The following SETX variants were observed in gnomAD, a reference collection of about 807,000 sequenced individuals.
SETX encodes senataxin.
A neutral mutation model predicts 227.2 loss-of-function variants in SETX; 90 were observed. The ratio of observed to expected loss-of-function variants is 0.40; its 90% confidence interval spans 0.33 to 0.47. The LOEUF (loss-of-function observed/expected upper bound fraction) is 0.47, where lower values mean the gene tolerates loss of function less well. Ranked by LOEUF, SETX falls within the 20% of genes least tolerant of loss-of-function variation. The pLI is 0.91. For synonymous variants in SETX, 1,210 were observed against 1,113.2 expected (o/e 1.09, Z -1.73); for missense variants, 3,052 against 3,181.5 (o/e 0.96, Z 0.98).
chr9:132,340,707 C>T (rs567163694), intron 5 of SETX, among the ~76,000 whole-genome samples: 1 of 152,348 alleles, frequency 6.6e-6, no homozygotes, highest in South Asian at 2.1e-4. Context: ...AATTGGTCTC[C>T]ACCTGCTTGT....
intron 11 of SETX, among the ~76,000 whole-genome samples, chr9:132,304,312 C>A (rs1845196971): frequency 6.6e-6 from 1 of 151,894 alleles, no homozygotes; most frequent in South Asian, 2.1e-4. Context: ...GGAGAAGTAC[C>A]CTTTTATAAC....
chr9:132,297,511 C>T (rs1004920736), intron 13 of SETX, among the ~76,000 whole-genome samples: 9 of 152,168 alleles, frequency 5.9e-5, no homozygotes, highest in African/African-American at 2.2e-4. Flanking sequence ...GTAAGCTTCA[C>T]TTGCACTTAC....
Position 132,284,286 on chromosome 9 carries a change from T to C in SETX, c.6397-873A>G, listed in dbSNP as rs183125075. ...ACATCTGTGAAGATGGACTTCATCC[T>C]TGACTCAGGAAAGATTAATCTGGGG... On this transcript the variant is annotated intron_variant, in intron 18 of 25. Transcript: ENST00000224140. Among the ~76,000 whole-genome samples the C allele has an allele frequency of 5.8e-4, 89 of 152,362 alleles. 1 individual carries two copies. Among genetic ancestry groups the C allele is most frequent in the Middle Eastern group, 6.8e-3 (2 of 294 alleles).
rs1333229189 is a variant in SETX at position 132,326,313 on chromosome 9, C to T, written c.5274+11G>A. The stretch of plus-strand genomic sequence containing the variant: ...AGTTTGGAGAGGCATACAAATGAAA[C>T]ACATACTTACTGTTTCAAAAGTATT... On this transcript the variant is annotated intron_variant, in intron 10 of 25. Coordinates refer to ENST00000224140, the MANE Select transcript of SETX (RefSeq NM_015046.7). The T allele has an allele frequency of 6.4e-7, 1 of 1,571,750 alleles. No homozygotes were observed. Among genetic ancestry groups the T allele is most frequent in the South Asian group, 1.1e-5 (1 of 90,036 alleles).
In SETX at chr9:132,300,130, CAAAAAAAAA is replaced by C. The variant is rs72582907; in HGVS notation, c.5548+491_5548+499del. Among the ~76,000 whole-genome samples the C allele has an allele frequency of 8.9e-3, 422 of 47,234 alleles. 5 individuals are homozygous for C. The highest frequency in any genetic ancestry group is 0.028 in the African/African-American group (409 of 14,430). 31.0% of individuals were successfully genotyped at this position (47,234 alleles called of 152,430 possible). On this transcript the variant is annotated intron_variant, in intron 12 of 25. Transcript: ENST00000224140. ...GGACAACAAGAGTGAAACTCCGTCT[CAAAAAAAAA>C]AAAAAAAAAAAAAAAAGGGACAAGT... is the stretch of plus-strand genomic sequence containing the variant.
intron 13 of SETX, 96 bp from the exon 14 acceptor site, chr9:132,297,150 T>C: frequency 2.0e-6 from 2 of 1,023,462 alleles, no homozygotes; most frequent in Non-Finnish European, 2.9e-6. Flanking sequence ...TTTCTTTCAA[T>C]GCATGAGACA....
chr9:132,287,566 G>C (rs768945567), intron 17 of SETX, among the ~76,000 whole-genome samples: 6 of 152,156 alleles, frequency 3.9e-5, no homozygotes, highest in Non-Finnish European at 8.8e-5. Flanking sequence ...ACATCCATTT[G>C]TTTATGTATT....
intron 9 of SETX, among the ~76,000 whole-genome samples, chr9:132,330,739 AAC>A (rs767113550): frequency 5.9e-5 from 9 of 152,222 alleles, no homozygotes; most frequent in Non-Finnish European, 1.0e-4. Flanking sequence ...ACAAATTGGT[AAC>A]ACCTTTATGT....
In SETX at chr9:132,274,200, G is replaced by T. The variant is rs547161523; in HGVS notation, c.7100+1056C>A. ...TGTCACTATTTTGTTGAGGATTTTTGTATCTAGTCATAAAGGATTTGGATC... is the reference window on the plus strand; with the variant it reads ...TGTCACTATTTTGTTGAGGATTTTTTTATCTAGTCATAAAGGATTTGGATC... On this transcript the variant is annotated intron_variant, in intron 23 of 25. Transcript: ENST00000224140. Among the ~76,000 whole-genome samples the T allele has an allele frequency of 4.7e-3, 717 of 152,060 alleles. 6 individuals carry two copies. Among genetic ancestry groups the T allele is most frequent in the African/African-American group, 0.017 (686 of 41,494 alleles).
At chr9:132,290,574 C>CAAAA (rs59954158) in intron 15 of SETX, among the ~76,000 whole-genome samples, 1,265 of 44,644 alleles carry the variant, frequency 0.028, 97 homozygotes, top group African/African-American at 0.052. Flanking sequence ...GACTCCGTCT[C>CAAAA]AAAAAAAAAA....
rs539033545 is a variant in SETX at position 132,264,433 on chromosome 9, C to T, written c.7840G>A (p.Glu2614Lys). ...VRGEPPAASP[E>K]ASTCQSKCDD... Reference sequence around the variant, plus strand: ...CATTTGCTCTGACACGTGGAAGCCTCGGGACTGGCAGCTGGAGGTTCGCCC... The same window carrying T: ...CATTTGCTCTGACACGTGGAAGCCTTGGGACTGGCAGCTGGAGGTTCGCCC... The change falls in exon 26 of 26, where the codon GAG (glutamate) becomes AAG (lysine). Residue 2614 changes from glutamate to lysine, a missense_variant. Around this residue, in one of 10 missense-constraint regions of SETX, gnomAD observed 294 missense variants for 278.8 expected, o/e 1.05. Transcript: ENST00000224140. The T allele has an allele frequency of 4.3e-6, 7 of 1,611,116 alleles. No individual in the cohort carries two copies. The highest frequency in any genetic ancestry group is 2.7e-5 in the African/African-American group (2 of 74,788).
intron 17 of SETX, among the ~76,000 whole-genome samples, chr9:132,287,810 T>G (rs532522035): frequency 6.8e-6 from 1 of 147,884 alleles, no homozygotes; most frequent in East Asian, 2.0e-4. Flanking sequence ...CTGAGACACA[T>G]TTTTAGTGTC....
intron 3 of SETX, 106 bp downstream of exon 3, chr9:132,349,146 G>T: frequency 3.6e-6 from 4 of 1,113,884 alleles, no homozygotes; most frequent in Non-Finnish European, 5.2e-6. Context: ...AACCCACAAA[G>T]TTGAAATCGT....
At chr9:132,346,694 G>C (rs1480946348) in intron 3 of SETX, among the ~76,000 whole-genome samples, 1 of 151,900 alleles carries the variant, frequency 6.6e-6, no homozygotes, top group Non-Finnish European at 1.5e-5. Flanking sequence ...GCTCACAGCT[G>C]TAATCCCAGC....
intron 25 of SETX, among the ~76,000 whole-genome samples, chr9:132,265,259 C>A (rs1842588013): frequency 7.5e-6 from 1 of 132,996 alleles, no homozygotes; most frequent in African/African-American, 2.9e-5. Flanking sequence ...CAGAGACTCA[C>A]TCTGTTGCCA....
chr9:132,326,712 T>C lies in SETX; in HGVS notation c.4886A>G (p.Lys1629Arg), dbSNP rs964786308. The C allele has an allele frequency of 1.9e-6, 3 of 1,614,208 alleles. No individual in the cohort carries two copies. Among genetic ancestry groups the C allele is most frequent in the Non-Finnish European group, 2.5e-6 (3 of 1,180,028 alleles). Residue 1629 changes from lysine to arginine, a missense_variant, in exon 10 of 26, where the codon AAG becomes AGG. Physicochemically the swap from Lys to Arg is conservative, Grantham distance 26. Coordinates refer to ENST00000224140, the MANE Select transcript of SETX (RefSeq NM_015046.7). ...ALSPSLKNKS[K>R]GIQSILKVPQ... ...TACTTTCAAAATCGACTGTATCCCC[T>C]TTGACTTATTTTTTAGAGACGGTGA...
intron 11 of SETX, among the ~76,000 whole-genome samples, chr9:132,310,851 G>A (rs376088640): frequency 3.3e-5 from 5 of 152,156 alleles, no homozygotes; most frequent in South Asian, 2.1e-4. Context: ...ATGATGATCC[G>A]TTTCACTTAA....
At chr9:132,300,944 A>G (rs1844958956) in intron 11 of SETX, 141 bp from the exon 12 acceptor site, 4 of 637,418 alleles carry the variant, frequency 6.3e-6, no homozygotes, top group South Asian at 2.5e-5. Flanking sequence ...TTAAAATGGT[A>G]ATCTAATCCA....
At chr9:132,304,658 A>G (rs1408127012) in intron 11 of SETX, among the ~76,000 whole-genome samples, 1 of 151,800 alleles carries the variant, frequency 6.6e-6, no homozygotes, top group Non-Finnish European at 1.5e-5. Context: ...GAAAGAAAGA[A>G]AAGAAAAAGA....
Sources: allele counts gnomAD v4.1 joint callset (sites outside exome capture counted in the v4.1 genomes callset), GRCh38; gene constraint gnomAD v4.1.1; regional missense constraint gnomAD v4.1.1; transcripts MANE v1.5; gene names NCBI Gene and HGNC (gene_info 2026-07-23, HGNC 2026-07-21).